The following HDGFL2 variants were observed in gnomAD, a reference collection of about 807,000 sequenced individuals.
The protein encoded by HDGFL2 is HDGF like 2, also known as hepatoma-derived growth factor-related protein 2.
HDGFL2 carries 36 observed loss-of-function variants against 77.1 expected under a neutral mutation model. That is an observed-to-expected ratio of 0.47 (90% CI 0.36 to 0.62). The LOEUF (loss-of-function observed/expected upper bound fraction) is 0.62. Ranked by LOEUF, HDGFL2 falls within the 20% of genes least tolerant of loss-of-function variation. The pLI is 0.00. For synonymous variants in HDGFL2, 463 were observed against 413.1 expected (o/e 1.12, Z -1.46); for missense variants, 976 against 973.4 (o/e 1.00, Z -0.04).
chr19:4,474,427 G>T (rs1295677719), intron 1 of HDGFL2, among the ~76,000 whole-genome samples: 1 of 152,098 alleles, frequency 6.6e-6, no homozygotes, highest in Non-Finnish European at 1.5e-5. Context: ...CCATGGCCGA[G>T]CCCAGGGGCC....
At chr19:4,476,568 T>C (rs1048019862) in intron 3 of HDGFL2, among the ~76,000 whole-genome samples, 2 of 151,356 alleles carry the variant, frequency 1.3e-5, no homozygotes, top group African/African-American at 4.9e-5. Flanking sequence ...CGTTTTTTTC[T>C]TTTGAGAAGA....
In HDGFL2 at chr19:4,472,332, T is replaced by G; in HGVS notation, c.-19T>G. 6.6e-7 allele frequency: 1 copy of G among 1,504,408 alleles called. No individual in the cohort carries two copies. Among genetic ancestry groups the G allele is most frequent in the Non-Finnish European group, 8.9e-7 (1 of 1,127,012 alleles). The allele number at this position is 1,504,408 out of a possible 1,614,324, so 93.2% of individuals were successfully genotyped here. On this transcript the variant is annotated 5_prime_UTR_variant, in exon 1 of 16. Transcript: ENST00000616600. ...GCCGCTGCAGCCGCTTTCCGCGGCC[T>G]GGGCCTCTCGCCGTCAGCATGCCAC...
intron 3 of HDGFL2, among the ~76,000 whole-genome samples, chr19:4,487,943 T>TA (rs71340907): frequency 1.2e-3 from 168 of 142,766 alleles, no homozygotes; most frequent in South Asian, 2.0e-3. Flanking sequence ...TTGAATGACT[T>TA]AAAAAAAAAA....
At chr19:4,493,924 C>G (rs1489523434) in intron 7 of HDGFL2, 58 bp from the exon 8 acceptor site, 15 of 1,548,922 alleles carry the variant, frequency 9.7e-6, no homozygotes, top group African/African-American at 1.4e-5. Context: ...CCCAGGCAGT[C>G]CCCTGGTCAC....
intron 3 of HDGFL2, among the ~76,000 whole-genome samples, chr19:4,483,068 C>T (rs551633323): frequency 1.3e-5 from 2 of 152,324 alleles, no homozygotes; most frequent in African/African-American, 2.4e-5. Flanking sequence ...TGTGGAGAGG[C>T]GTGATCGAGA....
chr19:4,499,026 C>A, intron 13 of HDGFL2, 111 bp downstream of exon 13: 1 of 726,540 alleles, frequency 1.4e-6, no homozygotes, highest in Non-Finnish European at 2.4e-6. Context: ...CCTGGGTCAG[C>A]GAGGAGGCCG....
intron 3 of HDGFL2, among the ~76,000 whole-genome samples, chr19:4,476,184 C>T (rs1975068101): frequency 7.2e-6 from 1 of 138,758 alleles, no homozygotes; most frequent in South Asian, 2.3e-4. Context: ...GCCACTGTGC[C>T]CAGCCTTTTT....
intron 1 of HDGFL2, among the ~76,000 whole-genome samples, chr19:4,473,018 T>G (rs1974984843): frequency 6.9e-6 from 1 of 144,742 alleles, no homozygotes; most frequent in South Asian, 2.2e-4. Context: ...TCCCTGGGAG[T>G]CTGGGGGTAT....
chr19:4,472,453 G>GT (rs1192578529), intron 1 of HDGFL2, 31 bp downstream of exon 1: 18 of 478,240 alleles, frequency 3.8e-5, no homozygotes, highest in Non-Finnish European at 1.0e-5. Context: ...GGGCCGGTGG[G>GT]GGGGGGGGGG....
intron 3 of HDGFL2, among the ~76,000 whole-genome samples, chr19:4,479,952 G>C (rs1007606179): frequency 5.3e-5 from 8 of 151,442 alleles, no homozygotes; most frequent in Non-Finnish European, 1.0e-4. Flanking sequence ...GAGGGACCCA[G>C]CTGGTGTCTG....
At chr19:4,492,860 TGTGTGGTGTGTGTG>T (rs1975561881) in intron 6 of HDGFL2, among the ~76,000 whole-genome samples, 1 of 148,672 alleles carries the variant, frequency 6.7e-6, no homozygotes, top group Non-Finnish European at 1.5e-5. Flanking sequence ...TGTCTGTGTG[TGTGTGGTGTGTGTG>T]GTGTGGTGTG....
intron 9 of HDGFL2, among the ~76,000 whole-genome samples, chr19:4,495,981 C>CT (rs1266676239): frequency 1.3e-5 from 2 of 152,160 alleles, no homozygotes; most frequent in Non-Finnish European, 2.9e-5. Flanking sequence ...GCCGTGTTCT[C>CT]TCTCTGTCAC....
chr19:4,496,471 C>A, intron 10 of HDGFL2, 66 bp downstream of exon 10: 1 of 1,236,062 alleles, frequency 8.1e-7, no homozygotes, highest in Non-Finnish European at 1.2e-6. Context: ...ACAACCCTCA[C>A]CCCTCACAGG....
intron 6 of HDGFL2, 52 bp downstream of exon 6, chr19:4,491,887 G>A (rs976727350): frequency 1.2e-5 from 18 of 1,509,760 alleles, no homozygotes; most frequent in Admixed American, 5.0e-5. Flanking sequence ...GCACCTCTGC[G>A]GTCTCCAGTG....
At position 4,501,927 on chromosome 19, in the gene HDGFL2, C is replaced by T. The variant is rs369317234; in HGVS notation, c.1933C>T (p.Pro645Ser). The T allele has an allele frequency of 3.4e-6, 5 of 1,479,574 alleles. No homozygotes were observed. Among genetic ancestry groups the T allele is most frequent in the Non-Finnish European group, 4.5e-6 (5 of 1,120,650 alleles). The allele number at this position is 1,479,574 out of a possible 1,614,324, so 91.7% of individuals were successfully genotyped here. Residue 645 changes from proline (P) to serine (S), a missense_variant, in exon 16 of 16, where the codon CCC becomes TCC. Physicochemically the swap from Pro to Ser is moderately conservative, Grantham distance 74. This residue lies in a region of HDGFL2 where 229 missense variants were observed against 187.3 expected (regional missense o/e 1.22). Transcript: ENST00000616600. ...TCCCACCAGCAGCGTACGGGAGGGT[C>T]CCGACCTGGACAGGCCTGGGAGCGA... is the stretch of plus-strand genomic sequence containing the variant. The part of the protein sequence containing the change: ...EDLHDSVREG[P>S]DLDRPGSDRQ...
At chr19:4,478,144 G>A (rs34778527) in intron 3 of HDGFL2, among the ~76,000 whole-genome samples, 73,913 of 144,910 alleles carry the variant, frequency 0.51, 19,447 homozygotes, top group African/African-American at 0.61. Flanking sequence ...ATTTAATTGT[G>A]TAAGATGGGA....
At chr19:4,501,140 G>C (rs747465130) in intron 14 of HDGFL2, 51 bp from the exon 15 acceptor site, 2 of 1,609,452 alleles carry the variant, frequency 1.2e-6, no homozygotes, top group Non-Finnish European at 1.7e-6. Context: ...AGGGTTCTGG[G>C]GTGCCCAGCT....
chr19:4,496,456 AC>A (rs1303723901), intron 10 of HDGFL2, 51 bp downstream of exon 10: 2 of 1,359,508 alleles, frequency 1.5e-6, no homozygotes, highest in Non-Finnish European at 2.1e-6. Context: ...ACCCCGCATC[AC>A]CCCACAACCC....
At position 4,494,311 on chromosome 19, in the gene HDGFL2, C is replaced by T; in HGVS notation, c.1060C>T (p.Arg354Cys). 4.2e-6 allele frequency: 6 copies of T among 1,427,910 alleles called. No individual in the cohort carries two copies. Among genetic ancestry groups the T allele is most frequent in the Non-Finnish European group, 4.6e-6 (5 of 1,094,348 alleles). The allele number at this position is 1,427,910 out of a possible 1,614,324, so 88.5% of individuals were successfully genotyped here. A position where few individuals can be genotyped will look rare whatever the true frequency, so the allele number is the denominator to read the frequency against. ...GGAGAAGGAGGAGAAGGAGCGGAGG[C>T]GCGAGCGGGCCGACCGCGGGGAGGC... ...EQEKEEKERRRERADRGEAER... is the reference protein window; with the variant it reads ...EQEKEEKERRCERADRGEAER... Residue 354 changes from arginine (R) to cysteine (C), a missense_variant, in exon 9 of 16, where the codon CGC (arginine) becomes TGC (cysteine). Transcript: ENST00000616600.
Sources: gnomAD v4.1 joint callset for allele counts (sites outside exome capture counted in the v4.1 genomes callset) on GRCh38, gnomAD v4.1.1 for gene constraint, gnomAD v4.1.1 regional missense constraint, MANE v1.5 for transcripts, NCBI Gene and HGNC (gene_info 2026-07-23, HGNC 2026-07-21) for gene names.